Variants in ITPRID1 observed in about 807,000 individuals in gnomAD.
The protein encoded by ITPRID1 is ITPR interacting domain containing 1.
A neutral mutation model predicts 95.4 loss-of-function variants in ITPRID1; 96 were observed. The ratio of observed to expected loss-of-function variants is 1.01; its 90% CI spans 0.85 to 1.19. The LOEUF is 1.19. ITPRID1 is among the 50% of genes most tolerant of loss of function. The pLI, the probability that ITPRID1 is intolerant of heterozygous loss-of-function variation, is 0.00. For synonymous variants in ITPRID1, 510 were observed against 453.6 expected, an observed-to-expected ratio of 1.12 and a Z score of -1.58; for missense variants, 1,339 against 1,252.9, an observed-to-expected ratio of 1.07 and a Z score of -1.04.
chr7:31,530,796 A>T (rs1425498435), intron 1 of ITPRID1, among the ~76,000 whole-genome samples: 2 of 151,088 alleles, frequency 1.3e-5, no homozygotes, highest in East Asian at 3.9e-4. Context: ...ACAAGTCCAG[A>T]GTTCATTGTT....
chr7:31,574,019 C>T (rs1785086750), intron 7 of ITPRID1, among the ~76,000 whole-genome samples: 1 of 152,000 alleles, frequency 6.6e-6, no homozygotes, highest in African/African-American at 2.4e-5. Context: ...TTAATTCTAC[C>T]TAGGGACTTA....
intron 10 of ITPRID1, among the ~76,000 whole-genome samples, chr7:31,588,358 C>T (rs1345302310): frequency 3.9e-5 from 6 of 151,930 alleles, no homozygotes; most frequent in South Asian, 4.2e-4. Flanking sequence ...TGGCCAGGTG[C>T]AGTGGCTCAT....
intron 2 of ITPRID1, among the ~76,000 whole-genome samples, chr7:31,550,902 G>T (rs1231966348): frequency 2.1e-5 from 3 of 142,812 alleles, no homozygotes; most frequent in African/African-American, 7.4e-5. Context: ...TTTCTCCAGG[G>T]TTACATTTGA....
intron 5 of ITPRID1, among the ~76,000 whole-genome samples, chr7:31,557,686 A>G (rs1156408382): frequency 1.3e-5 from 2 of 152,168 alleles, no homozygotes; most frequent in African/African-American, 4.8e-5. Context: ...CTATACATAC[A>G]TTATCTTGCT....
intron 10 of ITPRID1, among the ~76,000 whole-genome samples, chr7:31,620,923 G>T (rs1436472293): frequency 2.6e-5 from 4 of 152,032 alleles, no homozygotes; most frequent in African/African-American, 7.2e-5. Flanking sequence ...GGAGCTGATG[G>T]AGCTGAAAGC....
intron 10 of ITPRID1, among the ~76,000 whole-genome samples, chr7:31,591,980 T>G (rs10274825): frequency 0.11 from 16,445 of 152,150 alleles, 1,004 homozygotes; most frequent in African/African-American, 0.13. Flanking sequence ...CCAAAAAAAT[T>G]CAGATAACTT....
chr7:31,652,925 A>G lies in ITPRID1; in HGVS notation c.*96A>G, dbSNP rs1183626846. 2.0e-6 allele frequency: 3 copies of G among 1,528,862 alleles called. No individual in the cohort carries two copies. In the African/African-American group the frequency reaches 4.1e-5, roughly 21 times the overall value. 94.7% of individuals were successfully genotyped at this position (1,528,862 alleles called of 1,614,324 possible). A position where few individuals can be genotyped will look rare whatever the true frequency, so the allele number is the denominator to read the frequency against. ...TTTTCCCCAAGGAGAAGGGTCTGCC[A>G]ACCCATTGTCAGCTATATCTCTCAT... On this transcript the variant is annotated 3_prime_UTR_variant, in exon 15 of 15. Coordinates refer to ENST00000615280, the MANE Select transcript of ITPRID1 (RefSeq NM_001257967.3).
At position 31,550,751 on chromosome 7, in the gene ITPRID1, C is replaced by T. The variant is rs568993232; in HGVS notation, c.-24+1252C>T. On this transcript the variant is annotated intron_variant, in intron 2 of 14. Transcript: ENST00000615280. ...GCAAGCCTTTTTCCTGCTCTGTGGC[C>T]AAGTACAACAGAGCTGGCAGACAGA... is the stretch of plus-strand genomic sequence containing the variant. 2.9e-4 allele frequency among the ~76,000 whole-genome samples: 31 copies of T among 106,330 alleles called. 3 individuals carry two copies. The highest frequency in any genetic ancestry group is 8.0e-4 in the African/African-American group (29 of 36,414). 69.8% of individuals were successfully genotyped at this position (106,330 alleles called of 152,430 possible).
chr7:31,539,363 T>G (rs1332281965), intron 1 of ITPRID1, among the ~76,000 whole-genome samples: 1 of 152,072 alleles, frequency 6.6e-6, no homozygotes, highest in Admixed American at 6.5e-5. Flanking sequence ...TTTTGTATTT[T>G]TTGTAGAGAT....
chr7:31,525,346 C>A (rs1294743119), intron 1 of ITPRID1, among the ~76,000 whole-genome samples: 5 of 152,146 alleles, frequency 3.3e-5, no homozygotes, highest in Non-Finnish European at 7.4e-5. Flanking sequence ...TTAAAAAATT[C>A]TTTGTGGTAG....
intron 10 of ITPRID1, among the ~76,000 whole-genome samples, chr7:31,625,191 C>T (rs1216577032): frequency 1.3e-5 from 2 of 152,054 alleles, no homozygotes; most frequent in African/African-American, 4.8e-5. Context: ...TAAACTAGTT[C>T]AACCATTGTG....
rs1387913878 is a variant in ITPRID1, at chr7:31,543,666, C to G, written c.-97-5760C>G. On this transcript the variant is annotated intron_variant, in intron 1 of 14. Transcript: ENST00000615280. ...TGTGGATATTTTAGTTTATAGTTCT[C>G]TTTATCAGACAATTTTTTTCCAAAT... Among the ~76,000 whole-genome samples, 8 of 152,088 alleles carry G rather than the reference C, an allele frequency of 5.3e-5. No homozygotes were observed. The East Asian group carries it at 9.6e-4, about 18-fold the overall frequency.
At chr7:31,587,702 A>T (rs1201740690) in intron 10 of ITPRID1, among the ~76,000 whole-genome samples, 15 of 151,480 alleles carry the variant, frequency 9.9e-5, no homozygotes, top group Non-Finnish European at 1.8e-4. Context: ...AGCCAAAAGA[A>T]CAAAGCTGGA....
rs201917207 is a variant in ITPRID1 at position 31,651,146 on chromosome 7, C to A, written c.2588C>A (p.Thr863Lys). ...GTTCTTTCTCATTGTTCTCAGTGCA[C>A]AGTCCATGAGATGGAAGCCATGAAG... The part of the protein sequence containing the change: ...DTTVRELCSC[T>K]VHEMEAMKTI... Residue 863 changes from threonine (T) to lysine (K), a missense_variant, in exon 13 of 15, where the codon ACA (threonine) becomes AAA (lysine). By Grantham distance (78) the Thr-to-Lys change is moderately conservative (BLOSUM62 -1). Coordinates refer to ENST00000615280, the MANE Select transcript of ITPRID1 (RefSeq NM_001257967.3). 125 of 1,612,572 alleles carry A rather than the reference C, an allele frequency of 7.8e-5. No individual in the cohort carries two copies. Among genetic ancestry groups the A allele is most frequent in the Admixed American group, 5.0e-4 (30 of 59,954 alleles).
chr7:31,535,046 A>G (rs1783716213), intron 1 of ITPRID1, among the ~76,000 whole-genome samples: 1 of 152,266 alleles, frequency 6.6e-6, no homozygotes, highest in Admixed American at 6.5e-5. Flanking sequence ...CTCACTAGCC[A>G]TATGTGCCTT....
At chr7:31,546,457 G>A (rs1784101425) in intron 1 of ITPRID1, among the ~76,000 whole-genome samples, 1 of 151,978 alleles carries the variant, frequency 6.6e-6, no homozygotes, top group Non-Finnish European at 1.5e-5. Flanking sequence ...GTGCATGCAT[G>A]TGTCTGTGTG....
intron 6 of ITPRID1, 57 bp from the exon 7 acceptor site, chr7:31,572,045 C>T: frequency 3.5e-6 from 4 of 1,127,410 alleles, no homozygotes; most frequent in Non-Finnish European, 5.3e-6. Flanking sequence ...TCACAATGAC[C>T]TCCCAGGAGA....
At chr7:31,617,638 C>T (rs1050617079) in intron 10 of ITPRID1, among the ~76,000 whole-genome samples, 1 of 64,274 alleles carries the variant, frequency 1.6e-5, no homozygotes, top group Non-Finnish European at 3.0e-5. Flanking sequence ...TGATTTAATG[C>T]TCCATCTTTT....
At chr7:31,554,607 G>A in intron 4 of ITPRID1, 84 bp downstream of exon 4, 1 of 1,529,084 alleles carries the variant, frequency 6.5e-7, no homozygotes, top group South Asian at 1.2e-5. Flanking sequence ...GCCTGGGCAA[G>A]GTCGGGGAAG....
Sources: allele counts gnomAD v4.1 joint callset (sites outside exome capture counted in the v4.1 genomes callset), GRCh38; gene constraint gnomAD v4.1.1; transcripts MANE v1.5; gene names NCBI Gene and HGNC (gene_info 2026-07-23, HGNC 2026-07-21).